Variants in RYR2 observed in about 807,000 individuals in gnomAD.
RYR2 encodes the protein cardiac muscle ryanodine receptor-calcium release channel.
RYR2 carries 227 observed loss-of-function variants against 601.1 expected under a neutral mutation model. The observed-to-expected ratio is 0.38, with a 90% confidence interval of 0.34 to 0.42. The LOEUF (loss-of-function observed/expected upper bound fraction) is 0.42, where lower values mean the gene tolerates loss of function less well. RYR2 is among the 10% of genes least tolerant of loss of function. The pLI is 1.00. For synonymous variants in RYR2, 2,223 were observed against 2,175.1 expected (o/e 1.02, Z -0.61); for missense variants, 4,646 against 6,156.5 (o/e 0.75, Z 8.21).
rs140143306 is a variant in RYR2, at chr1:237,412,659, C to T, written c.774-4390C>T. On this transcript the variant is annotated intron_variant, in intron 10 of 104. Transcript: ENST00000366574. The stretch of plus-strand genomic sequence containing the variant: ...ATAGTCTCCAGTTAACAAAGAGCTG[C>T]ATGAGCTCTTTTGTATTTTCATATC... Among the ~76,000 whole-genome samples the T allele has an allele frequency of 8.4e-3, 1,278 of 152,276 alleles. 28 individuals are homozygous for T. Among genetic ancestry groups the T allele is most frequent in the African/African-American group, 0.03 (1,228 of 41,554 alleles).
At chr1:237,125,254 C>G (rs1671281255) in intron 1 of RYR2, among the ~76,000 whole-genome samples, 1 of 152,024 alleles carries the variant, frequency 6.6e-6, no homozygotes, top group African/African-American at 2.4e-5. Flanking sequence ...ACGCCCAGGC[C>G]TCGGAGGTTC....
rs903877245 is a variant in RYR2 at position 237,416,683 on chromosome 1, A to T, written c.774-366A>T. On this transcript the variant is annotated intron_variant, in intron 10 of 104. Coordinates refer to ENST00000366574, the MANE Select transcript of RYR2 (RefSeq NM_001035.3). ...ACTATACCTAAACTTATCACAGAGT[A>T]CTTTCATGGACCTAAGTTAGATGAG... is the stretch of plus-strand genomic sequence containing the variant. Among the ~76,000 whole-genome samples the T allele has an allele frequency of 5.3e-5, 8 of 150,908 alleles. 1 individual carries two copies. Among genetic ancestry groups the T allele is most frequent in the African/African-American group, 1.7e-4 (7 of 41,032 alleles).
intron 96 of RYR2, 129 bp from the exon 97 acceptor site, chr1:237,797,908 A>T (rs1232383258): frequency 1.2e-6 from 1 of 807,448 alleles, no homozygotes; most frequent in Non-Finnish European, 1.9e-6. Context: ...TGAGCCACAC[A>T]CTAGATTTTA....
intron 4 of RYR2, among the ~76,000 whole-genome samples, chr1:237,360,364 A>G (rs777218626): frequency 2.6e-5 from 4 of 152,202 alleles, no homozygotes; most frequent in African/African-American, 9.6e-5. Context: ...GAAATGAAGA[A>G]AGCCCTAGAT....
intron 1 of RYR2, among the ~76,000 whole-genome samples, chr1:237,098,885 C>T (rs1421803315): frequency 6.6e-6 from 1 of 152,108 alleles, no homozygotes; most frequent in African/African-American, 2.4e-5. Flanking sequence ...TGATTTAGAG[C>T]AGACTGTGCA....
intron 10 of RYR2, among the ~76,000 whole-genome samples, chr1:237,406,709 A>T (rs963802022): frequency 5.9e-5 from 9 of 152,146 alleles, no homozygotes; most frequent in Non-Finnish European, 1.0e-4. Context: ...AATGATTTTT[A>T]AAAAATTAAT....
chr1:237,593,402 A>T, intron 32 of RYR2, 74 bp from the exon 33 acceptor site: 3 of 1,441,874 alleles, frequency 2.1e-6, no homozygotes, highest in South Asian at 2.8e-5. Context: ...ACTTAGACAC[A>T]GTTAGGATTG....
At chr1:237,476,793 A>G (rs1296217111) in intron 17 of RYR2, among the ~76,000 whole-genome samples, 1 of 152,192 alleles carries the variant, frequency 6.6e-6, no homozygotes, top group Non-Finnish European at 1.5e-5. Flanking sequence ...TAGAAAGAAC[A>G]AGAGCTCACA....
intron 25 of RYR2, among the ~76,000 whole-genome samples, chr1:237,531,878 T>A (rs966357019): frequency 5.9e-5 from 9 of 152,206 alleles, no homozygotes; most frequent in Admixed American, 3.3e-4. Flanking sequence ...TCTGCCATCA[T>A]CTGTGTAAAA....
At chr1:237,133,323 T>G (rs1672358933) in intron 1 of RYR2, among the ~76,000 whole-genome samples, 2 of 152,148 alleles carry the variant, frequency 1.3e-5, no homozygotes, top group Non-Finnish European at 2.9e-5. Context: ...TTCTTGAATG[T>G]GATAATCTGT....
chr1:237,529,095 A>G (rs1667862816), intron 24 of RYR2, among the ~76,000 whole-genome samples: 3 of 152,200 alleles, frequency 2.0e-5, no homozygotes, highest in African/African-American at 7.2e-5. Flanking sequence ...GATAGCACTC[A>G]GTAGATATTT....
intron 42 of RYR2, among the ~76,000 whole-genome samples, chr1:237,632,253 T>C (rs371550481): frequency 6.9e-4 from 95 of 138,032 alleles, no homozygotes; most frequent in African/African-American, 2.3e-3. Context: ...TACCAGTCCA[T>C]GGCACAAGCA....
In RYR2 at chr1:237,643,365, G is replaced by T; in HGVS notation, c.7260G>T (p.Arg2420Ser). ...HAGKGEAIRI[R>S]SILRSLIPLG... ...GGAAGGGAGAAGCCATCAGAATTAGGTCCATTTTGAGATCCCTCATTCCCC... is the reference window on the plus strand; with the variant it reads ...GGAAGGGAGAAGCCATCAGAATTAGTTCCATTTTGAGATCCCTCATTCCCC... Residue 2420 changes from arginine to serine, a missense_variant, in exon 48 of 105, where the codon AGG becomes AGT. By Grantham distance (110) the Arg-to-Ser change is moderately radical (BLOSUM62 -1). Around this residue, in one of 17 missense-constraint regions of RYR2, gnomAD observed 1,497 missense variants for 1,842.6 expected, o/e 0.81. Coordinates refer to ENST00000366574, the MANE Select transcript of RYR2 (RefSeq NM_001035.3). 1 of 1,613,700 alleles carries T rather than the reference G, an allele frequency of 6.2e-7. No individual in the cohort carries two copies. Among genetic ancestry groups the T allele is most frequent in the Non-Finnish European group, 8.5e-7 (1 of 1,179,778 alleles).
intron 90 of RYR2, 87 bp from the exon 91 acceptor site, chr1:237,785,882 G>C: frequency 1.1e-6 from 1 of 928,590 alleles, no homozygotes; most frequent in Non-Finnish European, 1.7e-6. Context: ...TATAGGTTAT[G>C]GTTTGACACA....
intron 1 of RYR2, among the ~76,000 whole-genome samples, chr1:237,213,260 A>G (rs940423628): frequency 9.9e-5 from 15 of 151,802 alleles, no homozygotes; most frequent in African/African-American, 2.9e-4. Context: ...TCACTGTAGC[A>G]TCAACCTCCT....
intron 21 of RYR2, among the ~76,000 whole-genome samples, chr1:237,502,319 T>C (rs1384259825): frequency 6.6e-6 from 1 of 152,234 alleles, no homozygotes; most frequent in Non-Finnish European, 1.5e-5. Context: ...ATAAAAGATT[T>C]TAGTAAGTTC....
chr1:237,605,794 T>C (rs1337874900), intron 35 of RYR2, among the ~76,000 whole-genome samples: 1 of 151,984 alleles, frequency 6.6e-6, no homozygotes, highest in Non-Finnish European at 1.5e-5. Flanking sequence ...GAGAGCCAAA[T>C]CATGAGTGAA....
chr1:237,175,878 A>G (rs1401024873), intron 1 of RYR2, among the ~76,000 whole-genome samples: 1 of 152,222 alleles, frequency 6.6e-6, no homozygotes. Flanking sequence ...TTTGTGCTCC[A>G]TAGCATCAGC....
At chr1:237,769,537 A>C (rs1438465521) in intron 84 of RYR2, among the ~76,000 whole-genome samples, 1 of 152,042 alleles carries the variant, frequency 6.6e-6, no homozygotes, top group Non-Finnish European at 1.5e-5. Flanking sequence ...TTTAATGTTT[A>C]TATTAGTTTT....
Sources: gnomAD v4.1 joint callset for allele counts (sites outside exome capture counted in the v4.1 genomes callset) on GRCh38, gnomAD v4.1.1 for gene constraint, gnomAD v4.1.1 regional missense constraint, MANE v1.5 for transcripts, NCBI Gene and HGNC (gene_info 2026-07-23, HGNC 2026-07-21) for gene names.